DERL1: variants seen among roughly 807,000 people sequenced by gnomAD.
DERL1 encodes derlin 1, also known as derlin-1.
A neutral mutation model predicts 41.6 loss-of-function variants in DERL1; 24 were observed. The ratio of observed to expected loss-of-function variants is 0.58; its 90% CI spans 0.42 to 0.81. The LOEUF (loss-of-function observed/expected upper bound fraction) is 0.81. DERL1 is among the 30% of genes least tolerant of loss of function. The pLI, the probability that DERL1 is intolerant of heterozygous loss-of-function variation, is 0.00. For synonymous variants in DERL1, 124 were observed against 112.5 expected, an observed-to-expected ratio of 1.10 and a Z score of -0.65; for missense variants, 260 against 314.3, an observed-to-expected ratio of 0.83 and a Z score of 1.31.
chr8:123,015,561 T>C lies in DERL1; in HGVS notation c.642A>G (p.Arg214=). 6.2e-7 allele frequency: 1 copy of C among 1,610,982 alleles called. No homozygotes were observed. Among genetic ancestry groups the C allele is most frequent in the East Asian group, 2.2e-5 (1 of 44,788 alleles). Residue 214 remains arginine, a synonymous_variant, in exon 8 of 8, where the codon AGA becomes AGG. Coordinates refer to ENST00000259512, the MANE Select transcript of DERL1 (RefSeq NM_024295.6). ...GCACACCAAATCCTGATACTCCTCC[T>C]CTCCTACTGGGCAGCCAGCGGTACC... The part of the protein sequence containing the change: ...QFLYRWLPSR[R]GGVSGFGVPP...
In DERL1 at chr8:123,015,388, T is replaced by C. The variant is rs7159; in HGVS notation, c.*59A>G. The C allele has an allele frequency of 0.65, 1,031,182 of 1,582,364 alleles. 337,843 individuals are homozygous for C. The highest frequency in any genetic ancestry group is 0.71 in the Middle Eastern group (4,200 of 5,928). ...TGTTAGCCAGAACGCAGTTGTTAAG[T>C]GCACCCAGCACTGGGAGGAAATGTG... On this transcript the variant is annotated 3_prime_UTR_variant, in exon 8 of 8. Transcript: ENST00000259512.
At chr8:123,024,431 G>A (rs981300378) in intron 3 of DERL1, among the ~76,000 whole-genome samples, 95 of 152,270 alleles carry the variant, frequency 6.2e-4, no homozygotes, top group Middle Eastern at 3.4e-3. Context: ...CTGAGACATC[G>A]AGAGCTGCTG....
Position 123,041,959 on chromosome 8 carries a change from C to T in DERL1, c.153+11G>A. 1 of 1,600,194 alleles carries T rather than the reference C, an allele frequency of 6.2e-7. No individual in the cohort carries two copies. The highest frequency in any genetic ancestry group is 8.5e-7 in the Non-Finnish European group (1 of 1,170,968). On this transcript the variant is annotated intron_variant, in intron 1 of 7. Transcript: ENST00000259512. The stretch of plus-strand genomic sequence containing the variant: ...CCTGTAGTCTCCACGCCCCCCGTCT[C>T]CGGTAAGTACCTGAAAGCGATAAAG...
intron 2 of DERL1, among the ~76,000 whole-genome samples, chr8:123,029,582 G>A (rs896337695): frequency 2.0e-5 from 3 of 152,126 alleles, no homozygotes; most frequent in African/African-American, 7.2e-5. Flanking sequence ...TAAAGTCTCT[G>A]AAGTCAGTCA....
intron 5 of DERL1, 126 bp from the exon 6 acceptor site, chr8:123,021,625 G>A: frequency 1.2e-6 from 1 of 813,824 alleles, no homozygotes; most frequent in Non-Finnish European, 2.1e-6. Context: ...GAAGGTCACT[G>A]CAAAATTTCT....
Position 123,019,235 on chromosome 8 carries a change from C to T in DERL1, c.577G>A (p.Asp193Asn). Residue 193 changes from aspartate to asparagine, a missense_variant, in exon 7 of 8, where the codon GAC becomes AAC. Coordinates refer to ENST00000259512, the MANE Select transcript of DERL1 (RefSeq NM_024295.6). ...YFFLMFRYPM[D>N]LGGRNFLSTP... is the part of the protein sequence containing the mutation. ...GATAGAAAATTTCTTCCTCCCAAGT[C>T]CATTGGGTATCTGAACATTAGGAAA... is the stretch of plus-strand genomic sequence containing the variant. The T allele has an allele frequency of 6.2e-7, 1 of 1,614,036 alleles. No homozygotes were observed. Among genetic ancestry groups the T allele is most frequent in the South Asian group, 1.1e-5 (1 of 91,060 alleles).
intron 1 of DERL1, among the ~76,000 whole-genome samples, chr8:123,036,731 G>C (rs182595810): frequency 5.5e-4 from 84 of 152,254 alleles, no homozygotes; most frequent in Admixed American, 2.0e-3. Flanking sequence ...CTTGCCACTA[G>C]AGTTCTATAG....
In DERL1 at chr8:123,015,759, C is replaced by G. The variant is rs1305726186; in HGVS notation, c.618-174G>C. The G allele has an allele frequency of 1.5e-5, 10 of 670,632 alleles. No homozygotes were observed. The African/African-American group carries it at 1.8e-4, about 12-fold the overall frequency. The allele number at this position is 670,632 out of a possible 1,614,324, so 41.5% of individuals were successfully genotyped here. ...GTCTTTTCTGTACTCAGCCCCATGA[C>G]CTGACCACAGACGGCATTCGTTTTT... is the stretch of plus-strand genomic sequence containing the variant. On this transcript the variant is annotated intron_variant, in intron 7 of 7. Coordinates refer to ENST00000259512, the MANE Select transcript of DERL1 (RefSeq NM_024295.6).
intron 1 of DERL1, among the ~76,000 whole-genome samples, chr8:123,034,649 T>C (rs1224409378): frequency 2.0e-5 from 3 of 152,186 alleles, no homozygotes; most frequent in Non-Finnish European, 4.4e-5. Context: ...ATTTTTACAA[T>C]CCCTCTCACA....
chr8:123,015,444 C>G lies in DERL1; in HGVS notation c.*3G>C, dbSNP rs1458018528. ...AGAGGAGCGGCTGCCCGAGGCCGCC[C>G]CTTCACTGGTCTCCAAGTCGAAAGC... On this transcript the variant is annotated 3_prime_UTR_variant, in exon 8 of 8. Transcript: ENST00000259512. 3 of 1,612,048 alleles carry G rather than the reference C, an allele frequency of 1.9e-6. No homozygotes were observed. Among genetic ancestry groups the G allele is most frequent in the Non-Finnish European group, 1.7e-6 (2 of 1,179,088 alleles).
At chr8:123,021,415 G>T (rs779337801) in intron 6 of DERL1, 32 bp downstream of exon 6, 1 of 1,591,574 alleles carries the variant, frequency 6.3e-7, no homozygotes, top group Admixed American at 1.7e-5. Context: ...CCAAGGATTA[G>T]TTTCCAATTA....
intron 5 of DERL1, among the ~76,000 whole-genome samples, chr8:123,022,085 A>G (rs1480618052): frequency 6.6e-6 from 1 of 152,216 alleles, no homozygotes; most frequent in East Asian, 1.9e-4. Flanking sequence ...ACAAACTAGG[A>G]AAGAGAGGGT....
chr8:123,032,453 T>C (rs942332634), intron 1 of DERL1, among the ~76,000 whole-genome samples: 1 of 152,190 alleles, frequency 6.6e-6, no homozygotes, highest in Non-Finnish European at 1.5e-5. Context: ...TCATACATTA[T>C]GAAATTTCTC....
At chr8:123,027,837 G>A (rs535282314) in intron 2 of DERL1, among the ~76,000 whole-genome samples, 15 of 152,250 alleles carry the variant, frequency 9.9e-5, no homozygotes, top group African/African-American at 3.6e-4. Context: ...TGAGGCAGGT[G>A]GATTACCTAA....
Position 123,015,216 on chromosome 8 carries a change from A to G in DERL1, c.*231T>C, listed in dbSNP as rs1245471930. 6 of 497,872 alleles carry G rather than the reference A, an allele frequency of 1.2e-5. No homozygotes were observed. The South Asian group carries it at 1.4e-4, about 12-fold the overall frequency. The allele number at this position is 497,872 out of a possible 1,614,324, so 30.8% of individuals were successfully genotyped here. On this transcript the variant is annotated 3_prime_UTR_variant, in exon 8 of 8. Transcript: ENST00000259512. ...ACCAAAAAATGTAGTCAGTTTTGCA[A>G]TTTGCACAGTTGGTATTTGTTCTTC...
intron 3 of DERL1, 130 bp downstream of exon 3, chr8:123,024,856 A>C: frequency 1.1e-6 from 1 of 874,586 alleles, no homozygotes; most frequent in Admixed American, 3.2e-5. Flanking sequence ...AACTATAATT[A>C]TTCTTATTAA....
At chr8:123,040,283 C>T (rs1813020148) in intron 1 of DERL1, among the ~76,000 whole-genome samples, 1 of 152,134 alleles carries the variant, frequency 6.6e-6, no homozygotes, top group African/African-American at 2.4e-5. Context: ...GAAGGACGGG[C>T]TATTTTATGT....
chr8:123,032,723 C>T lies in DERL1; in HGVS notation c.154-2007G>A, dbSNP rs80221987. ...TCCCAACCCCATTTACAGAGTAACCCACATTTTTTCCAATTATTTGAAAAA... is the reference window on the plus strand; with the variant it reads ...TCCCAACCCCATTTACAGAGTAACCTACATTTTTTCCAATTATTTGAAAAA... On this transcript the variant is annotated intron_variant, in intron 1 of 7. Transcript: ENST00000259512. Among the ~76,000 whole-genome samples the T allele has an allele frequency of 5.3e-3, 811 of 152,284 alleles. 6 individuals carry two copies. The highest frequency in any genetic ancestry group is 0.019 in the African/African-American group (770 of 41,556).
At chr8:123,036,050 A>G (rs1183218293) in intron 1 of DERL1, among the ~76,000 whole-genome samples, 1 of 152,174 alleles carries the variant, frequency 6.6e-6, no homozygotes, top group Non-Finnish European at 1.5e-5. Flanking sequence ...GGCCCCTTCC[A>G]TTCATTTAAA....
Sources: allele counts gnomAD v4.1 joint callset (sites outside exome capture counted in the v4.1 genomes callset), GRCh38; gene constraint gnomAD v4.1.1; transcripts MANE v1.5; gene names NCBI Gene and HGNC (gene_info 2026-07-23, HGNC 2026-07-21).